Variants in LAMA1 observed in about 807,000 individuals in gnomAD.
The protein encoded by LAMA1 is laminin subunit alpha 1, also known as laminin subunit alpha-1.
LAMA1 carries 219 observed loss-of-function variants against 348.7 expected under a neutral mutation model. The observed-to-expected ratio is 0.63, with a 90% CI of 0.56 to 0.70. The LOEUF is 0.70. Among genes scored for constraint, LAMA1 ranks in the 30% least tolerant of loss-of-function variants. The pLI, the probability that LAMA1 is intolerant of heterozygous loss-of-function variation, is 0.00. For missense variants in LAMA1, 3,744 were observed against 3,888.0 expected (o/e 0.96, Z 0.99); for synonymous variants, 1,487 against 1,491.0 (o/e 1.00, Z 0.06).
At position 6,999,588 on chromosome 18, in the gene LAMA1, T is replaced by C; in HGVS notation, c.4520A>G (p.Gln1507Arg). The stretch of plus-strand genomic sequence containing the variant: ...GCCGTGCGGGTTGCAGTCACACTTC[T>C]GGCAACTGCCACCTGGTGTTTGAGG... ...GNPQTPGGSC[Q>R]KCDCNPHGSV... The change falls in exon 32 of 63, where the codon CAG becomes CGG. Residue 1507 changes from glutamine to arginine, a missense_variant. Around this residue, in one of 3 missense-constraint regions of LAMA1, gnomAD observed 1,983 missense variants for 1,934.3 expected, o/e 1.03. Transcript: ENST00000389658. 1 of 1,613,916 alleles carries C rather than the reference T, an allele frequency of 6.2e-7. No individual in the cohort carries two copies. The highest frequency in any genetic ancestry group is 8.5e-7 in the Non-Finnish European group (1 of 1,179,950).
chr18:7,053,239 C>G (rs987060864), intron 3 of LAMA1, among the ~76,000 whole-genome samples: 2 of 152,054 alleles, frequency 1.3e-5, no homozygotes, highest in African/African-American at 4.8e-5. Context: ...GTGAAACCAC[C>G]CTGTATGATA....
At chr18:7,049,985 C>A (rs1033718006) in intron 4 of LAMA1, among the ~76,000 whole-genome samples, 1 of 152,120 alleles carries the variant, frequency 6.6e-6, no homozygotes, top group African/African-American at 2.4e-5. Flanking sequence ...TTAAGAAGAC[C>A]GTTTCTCTCC....
intron 29 of LAMA1, among the ~76,000 whole-genome samples, chr18:7,004,341 C>T (rs1344186716): frequency 6.6e-6 from 1 of 152,188 alleles, no homozygotes; most frequent in Non-Finnish European, 1.5e-5. Flanking sequence ...CCTTCCAAGG[C>T]ATACTTCCAA....
intron 3 of LAMA1, among the ~76,000 whole-genome samples, chr18:7,075,055 A>G (rs1057351233): frequency 4.0e-5 from 6 of 149,714 alleles, no homozygotes; most frequent in African/African-American, 1.2e-4. Context: ...AACAGGATCA[A>G]TGTTAGCATT....
chr18:6,991,322 A>C (rs1048888164), intron 36 of LAMA1, among the ~76,000 whole-genome samples: 1 of 151,060 alleles, frequency 6.6e-6, no homozygotes, highest in African/African-American at 2.4e-5. Context: ...AAAAAAAATT[A>C]TTTGGAAGTG....
In LAMA1 at chr18:7,037,502, C is replaced by T; in HGVS notation, c.1737+76G>A. The stretch of plus-strand genomic sequence containing the variant: ...GTGCCCTATGAGACTACCTAAAATG[C>T]AGGCAGCGCAAGTTCTTTCTCAGTG... On this transcript the variant is annotated intron_variant, in intron 12 of 62. Coordinates refer to ENST00000389658, the MANE Select transcript of LAMA1 (RefSeq NM_005559.4). 3 of 1,545,010 alleles carry T rather than the reference C, an allele frequency of 1.9e-6. 1 individual carries two copies. Among genetic ancestry groups the T allele is most frequent in the Non-Finnish European group, 2.7e-6 (3 of 1,119,200 alleles).
intron 1 of LAMA1, among the ~76,000 whole-genome samples, chr18:7,100,108 C>G (rs1330750781): frequency 7.5e-6 from 1 of 132,592 alleles, no homozygotes; most frequent in Non-Finnish European, 1.6e-5. Context: ...GGAGAAAATA[C>G]TTTCAAATCA....
intron 25 of LAMA1, 92 bp from the exon 26 acceptor site, chr18:7,010,477 T>C: frequency 8.1e-7 from 1 of 1,227,162 alleles, no homozygotes; most frequent in East Asian, 2.4e-5. Context: ...AGAGAAATCT[T>C]GTATCTTAAA....
chr18:7,013,721 T>C (rs2057871815), intron 23 of LAMA1, 94 bp downstream of exon 23: 1 of 1,214,986 alleles, frequency 8.2e-7, no homozygotes, highest in African/African-American at 1.5e-5. Context: ...AGGAAAAGCA[T>C]CCAAAACCTG....
At chr18:6,948,688 T>C (rs1402264974) in intron 59 of LAMA1, 132 bp from the exon 60 acceptor site, 2 of 968,074 alleles carry the variant, frequency 2.1e-6, no homozygotes, top group African/African-American at 3.2e-5. Context: ...TTTAAAACTT[T>C]AATTGCCACA....
chr18:7,086,906 A>G (rs1405910852), intron 1 of LAMA1, among the ~76,000 whole-genome samples: 1 of 130,158 alleles, frequency 7.7e-6, no homozygotes, highest in African/African-American at 3.0e-5. Context: ...GTAAACTACC[A>G]GCTAAATCTG....
intron 40 of LAMA1, 107 bp downstream of exon 40, chr18:6,982,992 G>T: frequency 7.0e-7 from 1 of 1,426,430 alleles, no homozygotes; most frequent in Non-Finnish European, 9.9e-7. Flanking sequence ...GATTCCACCA[G>T]AAAAGAATGT....
intron 1 of LAMA1, among the ~76,000 whole-genome samples, chr18:7,099,007 T>C (rs201838152): frequency 0.024 from 3,664 of 151,498 alleles, 84 homozygotes; most frequent in African/African-American, 0.059. Context: ...ATGACAATGG[T>C]GGTTTTGTGG....
chr18:7,071,592 C>G (rs55742704), intron 3 of LAMA1, among the ~76,000 whole-genome samples: 3,216 of 152,258 alleles, frequency 0.021, 121 homozygotes, highest in African/African-American at 0.072. Flanking sequence ...GCAAATGATG[C>G]GTAAGCCATA....
chr18:7,037,368 A>G lies in LAMA1; in HGVS notation c.1737+210T>C, dbSNP rs138008370. On this transcript the variant is annotated intron_variant, in intron 12 of 62. Transcript: ENST00000389658. The stretch of plus-strand genomic sequence containing the variant: ...CACTGCTCAGGAACCAGACCAGAAG[A>G]GCAGAAGTTCTTATTTGAATAATAC... Among the ~76,000 whole-genome samples the G allele has an allele frequency of 5.5e-3, 841 of 152,328 alleles. 6 individuals are homozygous for G. Among genetic ancestry groups the G allele is most frequent in the African/African-American group, 0.019 (806 of 41,568 alleles).
chr18:6,977,166 G>A (rs1303193484), intron 44 of LAMA1, among the ~76,000 whole-genome samples: 1 of 152,190 alleles, frequency 6.6e-6, no homozygotes, highest in African/African-American at 2.4e-5. Context: ...CCAGTGCCAT[G>A]TGCCATGGGT....
intron 14 of LAMA1, among the ~76,000 whole-genome samples, chr18:7,033,323 G>A (rs2057979481): frequency 6.6e-6 from 1 of 152,022 alleles, no homozygotes; most frequent in Non-Finnish European, 1.5e-5. Flanking sequence ...GGGCGTGGTG[G>A]CATGTGCCTG....
In LAMA1 at chr18:7,009,142, A is replaced by G. The variant is rs941867415; in HGVS notation, c.4001+97T>C. ...GTAAGGAACTGAACTACATGGATTA[A>G]TAAAAATAGTAGGTAATGGAAGTGA... On this transcript the variant is annotated intron_variant, in intron 27 of 62. Transcript: ENST00000389658. 3.0e-6 allele frequency: 4 copies of G among 1,340,646 alleles called. No homozygotes were observed. The African/African-American group carries it at 5.8e-5, about 19-fold the overall frequency. 83.0% of individuals were successfully genotyped at this position (1,340,646 alleles called of 1,614,324 possible). A position where few individuals can be genotyped will look rare whatever the true frequency, so the allele number is the denominator to read the frequency against.
chr18:7,056,295 G>A (rs925393929), intron 3 of LAMA1, among the ~76,000 whole-genome samples: 5 of 152,154 alleles, frequency 3.3e-5, no homozygotes, highest in African/African-American at 7.2e-5. Flanking sequence ...AGGGTGATCA[G>A]GCAGCCCATT....
Sources: gnomAD v4.1 joint callset for allele counts (sites outside exome capture counted in the v4.1 genomes callset) on GRCh38, gnomAD v4.1.1 for gene constraint, gnomAD v4.1.1 regional missense constraint, MANE v1.5 for transcripts, NCBI Gene and HGNC (gene_info 2026-07-23, HGNC 2026-07-21) for gene names.